The following IL1RAPL1 variants were observed in gnomAD, a reference collection of about 807,000 sequenced individuals.
IL1RAPL1 encodes the protein interleukin 1 receptor accessory protein like 1.
IL1RAPL1 carries 3 observed loss-of-function variants against 48.4 expected under a neutral mutation model. That is an observed-to-expected ratio of 0.06 (90% CI 0.03 to 0.16). The LOEUF (loss-of-function observed/expected upper bound fraction) is 0.16. Among genes scored for constraint, IL1RAPL1 ranks in the 10% least tolerant of loss-of-function variants. The pLI, the probability that IL1RAPL1 is intolerant of heterozygous loss-of-function variation, is 1.00. For synonymous variants in IL1RAPL1, 185 were observed against 187.7 expected (o/e 0.99, Z 0.12); for missense variants, 349 against 530.6 (o/e 0.66, Z 3.36).
chrX:29,757,118 G>T (rs1279880234), intron 6 of IL1RAPL1, among the ~76,000 whole-genome samples: 1 of 112,340 alleles, frequency 8.9e-6, no homozygotes, highest in Non-Finnish European at 1.9e-5. Context: ...CATGTCTGTT[G>T]TTTTAAGCCA....
chrX:29,258,844 A>T (rs763119557), intron 2 of IL1RAPL1, among the ~76,000 whole-genome samples: 2 of 111,697 alleles, frequency 1.8e-5, no homozygotes, highest in Non-Finnish European at 3.8e-5. Flanking sequence ...TTGTTCCATA[A>T]AATCTGCTGG....
In IL1RAPL1 at chrX:29,933,437, T is replaced by C. The variant is rs375686622; in HGVS notation, c.1058-8214T>C. On this transcript the variant is annotated intron_variant, in intron 8 of 10. Coordinates refer to ENST00000378993, the MANE Select transcript of IL1RAPL1 (RefSeq NM_014271.4). ...ATGGACTGAATATTAATGCTATAATTATACCTTATCAGTTGCTTGAACCTT... is the reference window on the plus strand; with the variant it reads ...ATGGACTGAATATTAATGCTATAATCATACCTTATCAGTTGCTTGAACCTT... Among the ~76,000 whole-genome samples the C allele has an allele frequency of 3.4e-4, 38 of 111,559 alleles. No individual in the cohort carries two copies. In the East Asian group the frequency reaches 9.0e-3, roughly 26 times the overall value.
intron 2 of IL1RAPL1, among the ~76,000 whole-genome samples, chrX:28,912,700 A>G (rs1007291805): frequency 2.7e-5 from 3 of 111,216 alleles, no homozygotes; most frequent in Admixed American, 9.6e-5. Context: ...GAAATGGGCA[A>G]TTTATTCCCA....
intron 2 of IL1RAPL1, among the ~76,000 whole-genome samples, chrX:29,062,920 A>G (rs1172804379): frequency 8.9e-6 from 1 of 111,930 alleles, no homozygotes; most frequent in Non-Finnish European, 1.9e-5. Flanking sequence ...AAGCTTCAAG[A>G]CAAGTGTATC....
intron 3 of IL1RAPL1, among the ~76,000 whole-genome samples, chrX:29,364,409 G>A (rs1933417643): frequency 9.3e-6 from 1 of 107,681 alleles, no homozygotes; most frequent in Non-Finnish European, 1.9e-5. Flanking sequence ...AAATACAAAA[G>A]ACAATTAGCC....
chrX:29,097,588 A>C (rs890162052), intron 2 of IL1RAPL1, among the ~76,000 whole-genome samples: 2 of 111,885 alleles, frequency 1.8e-5, no homozygotes, highest in Non-Finnish European at 3.8e-5. Flanking sequence ...ATTTCCATCA[A>C]ATATGAATAT....
intron 1 of IL1RAPL1, among the ~76,000 whole-genome samples, chrX:28,760,395 G>A (rs1475134120): frequency 9.0e-6 from 1 of 111,671 alleles, no homozygotes; most frequent in African/African-American, 3.3e-5. Flanking sequence ...TTGACAATTT[G>A]TAGGTCAACC....
chrX:29,737,962 G>A lies in IL1RAPL1; in HGVS notation c.778+69458G>A, dbSNP rs774747237. 2.7e-5 allele frequency among the ~76,000 whole-genome samples: 3 copies of A among 112,398 alleles called. No homozygotes were observed. In the East Asian group the frequency reaches 8.4e-4, roughly 31 times the overall value. Reference sequence around the variant, plus strand: ...GGCTTAGAAGATGTTCATAACTTCTGTTCCAACATGATACAGAAGCATCCT... The same window carrying A: ...GGCTTAGAAGATGTTCATAACTTCTATTCCAACATGATACAGAAGCATCCT... On this transcript the variant is annotated intron_variant, in intron 6 of 10. Coordinates refer to ENST00000378993, the MANE Select transcript of IL1RAPL1 (RefSeq NM_014271.4).
At chrX:29,186,556 T>C (rs759018750) in intron 2 of IL1RAPL1, among the ~76,000 whole-genome samples, 1 of 111,592 alleles carries the variant, frequency 9.0e-6, no homozygotes, top group South Asian at 3.8e-4. Flanking sequence ...GAAAGACAAG[T>C]ATATTTGTAA....
chrX:28,792,816 A>AAAAAT (rs1936562170), intron 2 of IL1RAPL1, among the ~76,000 whole-genome samples: 7 of 10,103 alleles, frequency 6.9e-4, no homozygotes, highest in Admixed American at 2.0e-3. Context: ...AAAAAAAAAA[A>AAAAAT]ATATATATAT....
intron 6 of IL1RAPL1, among the ~76,000 whole-genome samples, chrX:29,884,674 C>A (rs1932107464): frequency 9.0e-6 from 1 of 111,339 alleles, no homozygotes; most frequent in East Asian, 2.8e-4. Flanking sequence ...TCCGTCTCTG[C>A]TGGAATAGAC....
intron 5 of IL1RAPL1, among the ~76,000 whole-genome samples, chrX:29,546,679 A>T (rs753710798): frequency 9.0e-6 from 1 of 110,885 alleles, no homozygotes; most frequent in South Asian, 3.8e-4. Context: ...TTCTCAGGCA[A>T]CCTCTTCTCA....
intron 2 of IL1RAPL1, among the ~76,000 whole-genome samples, chrX:29,213,322 A>G (rs766929031): frequency 8.9e-6 from 1 of 112,546 alleles, no homozygotes; most frequent in African/African-American, 3.2e-5. Context: ...TCTAATCTCT[A>G]TTCCCGATCT....
intron 6 of IL1RAPL1, among the ~76,000 whole-genome samples, chrX:29,671,797 G>C (rs948165410): frequency 8.9e-6 from 1 of 112,076 alleles, no homozygotes; most frequent in East Asian, 2.8e-4. Context: ...CCAGGACAGA[G>C]AGCATATTCT....
At chrX:28,770,103 C>T (rs986561796) in intron 1 of IL1RAPL1, among the ~76,000 whole-genome samples, 5 of 111,832 alleles carry the variant, frequency 4.5e-5, no homozygotes, top group Admixed American at 1.9e-4. Context: ...TTTCACCAAA[C>T]GGTGAATAAA....
At chrX:29,879,649 GA>G (rs920115711) in intron 6 of IL1RAPL1, among the ~76,000 whole-genome samples, 6 of 108,895 alleles carry the variant, frequency 5.5e-5, no homozygotes, top group South Asian at 3.9e-4. Context: ...TTTGTCTTTG[GA>G]AAAAAAAGCT....
chrX:29,252,556 AT>A (rs1466899044), intron 2 of IL1RAPL1, among the ~76,000 whole-genome samples: 1 of 113,039 alleles, frequency 8.8e-6, no homozygotes, highest in East Asian at 2.7e-4. Context: ...CCTCCCCTTT[AT>A]TTTTATTTGT....
chrX:29,453,748 T>G (rs1032587032), intron 5 of IL1RAPL1, among the ~76,000 whole-genome samples: 4 of 112,245 alleles, frequency 3.6e-5, no homozygotes, highest in Non-Finnish European at 7.5e-5. Context: ...TGTGCAATTA[T>G]GGTTGAGACG....
rs780831874 is a variant in IL1RAPL1, at chrX:29,782,888, A to ATTTT, written c.778+114415_778+114418dup. Reference sequence around the variant, plus strand: ...GAAGATAAAATGGGTTGATCGTGACATTTTTTTTTTTTTTTTTTTTTTTTT... The same window carrying ATTTT: ...GAAGATAAAATGGGTTGATCGTGACATTTTTTTTTTTTTTTTTTTTTTTTTTTTT... On this transcript the variant is annotated intron_variant, in intron 6 of 10. Coordinates refer to ENST00000378993, the MANE Select transcript of IL1RAPL1 (RefSeq NM_014271.4). Among the ~76,000 whole-genome samples the ATTTT allele has an allele frequency of 7.6e-3, 237 of 31,096 alleles. 24 individuals are homozygous for ATTTT. Among genetic ancestry groups the ATTTT allele is most frequent in the Admixed American group, 0.01 (16 of 1,591 alleles). The allele number at this position is 31,096 out of a possible 115,157, so 27.0% of individuals were successfully genotyped here. A position where few individuals can be genotyped will look rare whatever the true frequency, so the allele number is the denominator to read the frequency against.
Sources: gnomAD v4.1 joint callset for allele counts (sites outside exome capture counted in the v4.1 genomes callset) on GRCh38, gnomAD v4.1.1 for gene constraint, MANE v1.5 for transcripts, NCBI Gene and HGNC (gene_info 2026-07-23, HGNC 2026-07-21) for gene names.